EEFSEC: variants seen among roughly 807,000 people sequenced by gnomAD.
The protein encoded by EEFSEC is selenocysteine-specific elongation factor.
In EEFSEC, 43 loss-of-function variants were observed where a neutral mutation model predicts 42.1. The ratio of observed to expected loss-of-function variants is 1.02; its 90% CI spans 0.80 to 1.32. The LOEUF is 1.32. Ranked by LOEUF, EEFSEC falls within the 40% of genes most tolerant of loss-of-function variation. The pLI is 0.00. For synonymous variants in EEFSEC, 354 were observed against 339.1 expected (o/e 1.04, Z -0.48); for missense variants, 745 against 803.6 (o/e 0.93, Z 0.88).
intron 1 of EEFSEC, among the ~76,000 whole-genome samples, chr3:128,202,427 A>G (rs758656431): frequency 6.6e-5 from 10 of 152,218 alleles, no homozygotes; most frequent in Non-Finnish European, 1.2e-4. Context: ...TTTTGATGCT[A>G]TCATAAATGA....
At chr3:128,290,622 G>T (rs1452965238) in intron 4 of EEFSEC, among the ~76,000 whole-genome samples, 1 of 151,590 alleles carries the variant, frequency 6.6e-6, no homozygotes, top group Non-Finnish European at 1.5e-5. Context: ...GGAATCTGTA[G>T]ATCACAACTG....
At chr3:128,360,111 C>A (rs1304629178) in intron 6 of EEFSEC, among the ~76,000 whole-genome samples, 1 of 152,232 alleles carries the variant, frequency 6.6e-6, no homozygotes, top group African/African-American at 2.4e-5. Context: ...GGCACCCAGC[C>A]ATGGGAGGCC....
chr3:128,209,445 T>C (rs1559869424), intron 1 of EEFSEC, among the ~76,000 whole-genome samples: 1 of 152,156 alleles, frequency 6.6e-6, no homozygotes, highest in Non-Finnish European at 1.5e-5. Flanking sequence ...TTGGATGGTA[T>C]GGGCCAGCTT....
chr3:128,383,019 C>T (rs987645633), intron 6 of EEFSEC, among the ~76,000 whole-genome samples: 1 of 152,166 alleles, frequency 6.6e-6, no homozygotes, highest in Non-Finnish European at 1.5e-5. Flanking sequence ...CCCCTCCCTG[C>T]CTCCTGGAAG....
At chr3:128,278,790 A>G (rs1021642875) in intron 4 of EEFSEC, among the ~76,000 whole-genome samples, 1 of 152,016 alleles carries the variant, frequency 6.6e-6, no homozygotes, top group Non-Finnish European at 1.5e-5. Context: ...AGGGGAGGGT[A>G]TTTCTAGGGA....
chr3:128,337,267 G>A (rs2067200286), intron 4 of EEFSEC, among the ~76,000 whole-genome samples: 1 of 152,268 alleles, frequency 6.6e-6, no homozygotes, highest in African/African-American at 2.4e-5. Context: ...TTTATCTGCT[G>A]CACAATTTCC....
Position 128,354,217 on chromosome 3 carries a change from TG to T in EEFSEC, c.1444-3999del, listed in dbSNP as rs975562248. 3.2e-4 allele frequency among the ~76,000 whole-genome samples: 49 copies of T among 152,162 alleles called. 1 individual carries two copies. The highest frequency in any genetic ancestry group is 1.2e-3 in the African/African-American group (48 of 41,438). ...ACGGTGCCTCCCCCACAAATGGAAC[TG>T]CGGACACAGAAGTTCGCAGGAGAGT... On this transcript the variant is annotated intron_variant, in intron 5 of 6. Transcript: ENST00000254730.
intron 1 of EEFSEC, among the ~76,000 whole-genome samples, chr3:128,180,092 A>G (rs111828902): frequency 7.2e-6 from 1 of 138,418 alleles, no homozygotes; most frequent in East Asian, 2.0e-4. Context: ...TTCCTTCCTC[A>G]TGTTTTTGGT....
chr3:128,410,808 T>C (rs1156994655), downstream of EEFSEC, among the ~76,000 whole-genome samples: 1 of 152,114 alleles, frequency 6.6e-6, no homozygotes, highest in East Asian at 1.9e-4. Flanking sequence ...TAAGCCGTTT[T>C]TCCAGGAACT....
intron 4 of EEFSEC, among the ~76,000 whole-genome samples, chr3:128,322,787 G>T (rs191519140): frequency 1.3e-4 from 20 of 152,306 alleles, no homozygotes; most frequent in Non-Finnish European, 2.4e-4. Context: ...GAGAGCTGGG[G>T]TCTGCAGCCC....
intron 1 of EEFSEC, among the ~76,000 whole-genome samples, chr3:128,238,318 T>C (rs1185165305): frequency 2.6e-5 from 4 of 152,252 alleles, no homozygotes; most frequent in Non-Finnish European, 5.9e-5. Context: ...CCACATGTGC[T>C]AATTCATGGA....
intron 6 of EEFSEC, among the ~76,000 whole-genome samples, chr3:128,361,062 G>C (rs979026111): frequency 1.3e-5 from 2 of 152,168 alleles, no homozygotes; most frequent in Non-Finnish European, 2.9e-5. Context: ...GGGAAGCCTG[G>C]GTTTTGGTGC....
Position 128,153,666 on chromosome 3 carries a change from C to T in EEFSEC, c.159C>T (p.Phe53=). Residue 53 remains phenylalanine, a synonymous_variant, in exon 1 of 7, where the codon TTC becomes TTT. Coordinates refer to ENST00000254730, the MANE Select transcript of EEFSEC (RefSeq NM_021937.5). ...GCGGCATCACGCTCGATCTGGGCTT[C>T]TCGTGCTTCTCGGTGCCGCTGCCCG... is the stretch of plus-strand genomic sequence containing the variant. ...RERGITLDLG[F]SCFSVPLPAR... 1 of 1,597,462 alleles carries T rather than the reference C, an allele frequency of 6.3e-7. No individual in the cohort carries two copies. Among genetic ancestry groups the T allele is most frequent in the African/African-American group, 1.4e-5 (1 of 74,010 alleles).
chr3:128,173,920 C>T (rs1447654716), intron 1 of EEFSEC, among the ~76,000 whole-genome samples: 2 of 152,200 alleles, frequency 1.3e-5, no homozygotes, highest in African/African-American at 2.4e-5. Context: ...TGGCAGAGTG[C>T]TTCAGGGGCT....
chr3:128,393,910 T>A (rs887019040), intron 6 of EEFSEC, among the ~76,000 whole-genome samples: 1 of 151,814 alleles, frequency 6.6e-6, no homozygotes, highest in African/African-American at 2.4e-5. Context: ...TTTGGTCACA[T>A]AGGCCTGAGA....
intron 4 of EEFSEC, among the ~76,000 whole-genome samples, chr3:128,311,225 G>A (rs930725290): frequency 6.6e-6 from 1 of 152,184 alleles, no homozygotes; most frequent in East Asian, 1.9e-4. Flanking sequence ...TGACCTTTCT[G>A]CAATTTTCAA....
At chr3:128,237,375 TTTTGGTTTTCTGTTTTTATG>T (rs1367184650) in intron 1 of EEFSEC, among the ~76,000 whole-genome samples, 1 of 152,244 alleles carries the variant, frequency 6.6e-6, no homozygotes, top group Non-Finnish European at 1.5e-5. Flanking sequence ...TTCAGTACTT[TTTTGGTTTTCTGTTTTTATG>T]TTTGAAACCT....
At chr3:128,295,272 C>G (rs1440822217) in intron 4 of EEFSEC, among the ~76,000 whole-genome samples, 15 of 152,172 alleles carry the variant, frequency 9.9e-5, no homozygotes, top group Admixed American at 6.5e-4. Context: ...CTGGCTGCCT[C>G]TTGGGGCCTG....
chr3:128,216,892 C>T (rs1430401287), intron 1 of EEFSEC, among the ~76,000 whole-genome samples: 1 of 151,930 alleles, frequency 6.6e-6, no homozygotes, highest in Non-Finnish European at 1.5e-5. Context: ...CTGGCTTTGG[C>T]AGTGATCCTG....
Sources: gnomAD v4.1 joint callset for allele counts (sites outside exome capture counted in the v4.1 genomes callset) on GRCh38, gnomAD v4.1.1 for gene constraint, MANE v1.5 for transcripts, NCBI Gene and HGNC (gene_info 2026-07-23, HGNC 2026-07-21) for gene names.